The following ABCF1 variants were observed in gnomAD, a reference collection of about 807,000 sequenced individuals.
ABCF1 encodes the protein ATP binding cassette subfamily F member 1, also known as ATP-binding cassette sub-family F member 1.
ABCF1 carries 73 observed loss-of-function variants against 126.3 expected under a neutral mutation model. The observed-to-expected ratio is 0.58, with a 90% confidence interval of 0.48 to 0.70. The LOEUF (loss-of-function observed/expected upper bound fraction) is 0.70. Among genes scored for constraint, ABCF1 ranks in the 30% least tolerant of loss-of-function variants. The pLI, the probability that ABCF1 is intolerant of heterozygous loss-of-function variation, is 0.00. For synonymous variants in ABCF1, 345 were observed against 396.4 expected (o/e 0.87, Z 1.54); for missense variants, 786 against 1,057.5 (o/e 0.74, Z 3.56).
At chr6:30,572,752 C>T (rs1481291602) in intron 1 of ABCF1, among the ~76,000 whole-genome samples, 5 of 152,232 alleles carry the variant, frequency 3.3e-5, no homozygotes. Context: ...TCTCCTGCCT[C>T]AGCCTCCAAA....
intron 15 of ABCF1, 22 bp from the exon 16 acceptor site, chr6:30,585,536 C>A (rs1281676635): frequency 6.2e-7 from 1 of 1,612,850 alleles, no homozygotes; most frequent in Admixed American, 1.7e-5. Context: ...GTGACACTTA[C>A]ACCCTGTTCT....
chr6:30,572,161 A>G (rs1801285305), intron 1 of ABCF1, among the ~76,000 whole-genome samples: 1 of 151,708 alleles, frequency 6.6e-6, no homozygotes, highest in Non-Finnish European at 1.5e-5. Flanking sequence ...GAAGGAAAAA[A>G]ACATGAAGAT....
In ABCF1 at chr6:30,571,453, C is replaced by T. The variant is rs1306319995; in HGVS notation, c.-35C>T. Reference sequence around the variant, plus strand: ...CCGCCGCCGGAAGCGGAAATAGCACCGGGCGCCGCCACAGTAGCTGTAACT... The same window carrying T: ...CCGCCGCCGGAAGCGGAAATAGCACTGGGCGCCGCCACAGTAGCTGTAACT... On this transcript the variant is annotated 5_prime_UTR_variant, in exon 1 of 25. Transcript: ENST00000326195. 2.5e-6 allele frequency: 4 copies of T among 1,589,926 alleles called. No individual in the cohort carries two copies. Among genetic ancestry groups the T allele is most frequent in the Admixed American group, 1.8e-5 (1 of 56,126 alleles).
At position 30,571,546 on chromosome 6, in the gene ABCF1, G is replaced by A. The variant is rs1048893050; in HGVS notation, c.59G>A (p.Ser20Asn). ...CCCGAGTGGATCGGGGACGGAGAGA[G>A]CACGAGCCCATCAGGTGAGGCTGGT... Reference protein sequence around the residue: ...PEPEWIGDGESTSPSDKVVKK... With the variant: ...PEPEWIGDGENTSPSDKVVKK... Residue 20 changes from serine to asparagine, a missense_variant, in exon 1 of 25, where the codon AGC (serine) becomes AAC (asparagine). By Grantham distance (46) the Ser-to-Asn change is conservative. This residue lies in a region of ABCF1 where 322 missense variants were observed against 322.9 expected (regional missense o/e 1.00). Transcript: ENST00000326195. The A allele has an allele frequency of 1.1e-5, 18 of 1,610,150 alleles. No individual in the cohort carries two copies. Among genetic ancestry groups the A allele is most frequent in the Admixed American group, 3.3e-5 (2 of 59,826 alleles).
At position 30,584,226 on chromosome 6, in the gene ABCF1, T is replaced by C. The variant is rs1348481619; in HGVS notation, c.1137T>C (p.Ala379=). The C allele has an allele frequency of 6.2e-7, 1 of 1,612,934 alleles. No homozygotes were observed. The highest frequency in any genetic ancestry group is 1.1e-5 in the South Asian group (1 of 91,080). Residue 379 remains alanine, a synonymous_variant, in exon 13 of 25, where the codon GCT becomes GCC. Coordinates refer to ENST00000326195, the MANE Select transcript of ABCF1 (RefSeq NM_001025091.2). The surrounding 1 kb of genome is among the most constrained non-coding windows in gnomAD (Gnocchi z 4.6). ...VVADETPAVQ[A]VLRADTKRLK... is the part of the protein sequence containing the mutation. ...CAGATGAGACACCAGCAGTCCAGGC[T>C]GTTCTTCGAGCTGACACCAAGCGAT...
intron 1 of ABCF1, 70 bp downstream of exon 1, chr6:30,571,630 A>C: frequency 1.3e-6 from 2 of 1,522,260 alleles, no homozygotes. Context: ...GTTTTAAGAG[A>C]GGGTCATGGG....
Position 30,584,582 on chromosome 6 carries a change from C to T in ABCF1, c.1391+16C>T, listed in dbSNP as rs764935831. 13 of 1,576,796 alleles carry T rather than the reference C, an allele frequency of 8.2e-6. No individual in the cohort carries two copies. The highest frequency in any genetic ancestry group is 1.1e-5 in the Non-Finnish European group (13 of 1,162,298). On this transcript the variant is annotated intron_variant, in intron 14 of 24. Transcript: ENST00000326195. This position sits in a 1 kb window ranked among gnomAD's most constrained non-coding sequence, Gnocchi z 4.6. ...CCCTGGCCAGGTGGGCCATTCACCT[C>T]ACTGCCCTCCCTTCCAGCCTCAGAC...
At chr6:30,577,969 C>T (rs1801592428) in intron 3 of ABCF1, 56 bp downstream of exon 3, 2 of 1,613,320 alleles carry the variant, frequency 1.2e-6, no homozygotes, top group Non-Finnish European at 1.7e-6. Flanking sequence ...CCACCAACCC[C>T]TTTCCAGCCC....
chr6:30,573,102 C>A (rs938060160), intron 1 of ABCF1, among the ~76,000 whole-genome samples: 5 of 152,174 alleles, frequency 3.3e-5, no homozygotes, highest in African/African-American at 1.2e-4. Flanking sequence ...TTGAACTGGT[C>A]AAGATGGAGG....
Position 30,583,226 on chromosome 6 carries a change from A to AG in ABCF1, c.915+41dup. 1 of 1,579,244 alleles carries AG rather than the reference A, an allele frequency of 6.3e-7. No individual in the cohort carries two copies. The highest frequency in any genetic ancestry group is 8.6e-7 in the Non-Finnish European group (1 of 1,156,484). On this transcript the variant is annotated intron_variant, in intron 10 of 24. Coordinates refer to ENST00000326195, the MANE Select transcript of ABCF1 (RefSeq NM_001025091.2). This position sits in a 1 kb window ranked among gnomAD's most constrained non-coding sequence, Gnocchi z 4.1. ...GGGGCCCCTTCCAGTCCACTTACCT[A>AG]GGGAAGAGCCAGTTCTCTCATCTTC...
chr6:30,590,104 A>G (rs1430149834), intron 22 of ABCF1, 45 bp from the exon 23 acceptor site: 10 of 1,612,500 alleles, frequency 6.2e-6, no homozygotes, highest in Non-Finnish European at 8.5e-6. Context: ...TGCCTTCAGA[A>G]TGTGAGGTGC....
In ABCF1 at chr6:30,586,343, C is replaced by A. The variant is rs749323739; in HGVS notation, c.1885+38C>A. 19 of 1,599,798 alleles carry A rather than the reference C, an allele frequency of 1.2e-5. No individual in the cohort carries two copies. The African/African-American group carries it at 2.3e-4, about 19-fold the overall frequency. On this transcript the variant is annotated intron_variant, in intron 18 of 24. Transcript: ENST00000326195. This position sits in a 1 kb window ranked among gnomAD's most constrained non-coding sequence, Gnocchi z 4.9. ...GGCCTCTGCTGCTCCACAGGAAGCA[C>A]CGGAAGCATGTATGTGCACCCTAAA...
chr6:30,585,147 G>A, intron 14 of ABCF1, 113 bp from the exon 15 acceptor site: 1 of 952,526 alleles, frequency 1.0e-6, no homozygotes, highest in Non-Finnish European at 1.7e-6. Flanking sequence ...TCTCTGAGGA[G>A]AGCTTGGGAA....
rs1801234471 is a variant in ABCF1 at position 30,571,517 on chromosome 6, G to A, written c.30G>A (p.Pro10=). Residue 10 remains proline, a synonymous_variant, in exon 1 of 25, where the codon CCG becomes CCA. Coordinates refer to ENST00000326195, the MANE Select transcript of ABCF1 (RefSeq NM_001025091.2). The part of the protein sequence containing the change: MPKAPKQQP[P]EPEWIGDGES... Reference sequence around the variant, plus strand: ...CGAAGGCGCCCAAGCAGCAGCCGCCGGAGCCCGAGTGGATCGGGGACGGAG... The same window carrying A: ...CGAAGGCGCCCAAGCAGCAGCCGCCAGAGCCCGAGTGGATCGGGGACGGAG... 1 of 1,611,410 alleles carries A rather than the reference G, an allele frequency of 6.2e-7. No homozygotes were observed. The highest frequency in any genetic ancestry group is 2.2e-5 in the East Asian group (1 of 44,840).
chr6:30,578,648 C>T (rs967377746), intron 6 of ABCF1, 71 bp downstream of exon 6: 34 of 1,273,722 alleles, frequency 2.7e-5, no homozygotes, highest in African/African-American at 1.9e-4. Context: ...AGTAATTTCC[C>T]GCTTTTAAAC....
At position 30,589,846 on chromosome 6, in the gene ABCF1, G is replaced by A. The variant is rs1458394595; in HGVS notation, c.2105G>A (p.Arg702His). 1.8e-5 allele frequency: 29 copies of A among 1,614,040 alleles called. No homozygotes were observed. The highest frequency in any genetic ancestry group is 2.2e-5 in the East Asian group (1 of 44,876). ...AACCAGCAGTATGCAGAGCAGCTGC[G>A]CATGGAGGAGACGCCCACTGAGTAC... is the stretch of plus-strand genomic sequence containing the variant. Reference protein sequence around the residue: ...FFNQQYAEQLRMEETPTEYLQ... With the variant: ...FFNQQYAEQLHMEETPTEYLQ... The change falls in exon 22 of 25, where the codon CGC (arginine) becomes CAC (histidine). Residue 702 changes from arginine to histidine, a missense_variant. Physicochemically the swap from Arg to His is conservative, Grantham distance 29. This residue lies in a region of ABCF1 where 288 missense variants were observed against 423.5 expected (regional missense o/e 0.68). Coordinates refer to ENST00000326195, the MANE Select transcript of ABCF1 (RefSeq NM_001025091.2).
In ABCF1 at chr6:30,574,072, T is replaced by C. The variant is rs140654760; in HGVS notation, c.73+2512T>C. Among the ~76,000 whole-genome samples, 10 of 152,266 alleles carry C rather than the reference T, an allele frequency of 6.6e-5. No homozygotes were observed. Among genetic ancestry groups the C allele is most frequent in the African/African-American group, 1.7e-4 (7 of 41,568 alleles). On this transcript the variant is annotated intron_variant, in intron 1 of 24. Transcript: ENST00000326195. The surrounding 1 kb of genome is among the most constrained non-coding windows in gnomAD (Gnocchi z 4.3). ...ATTATACTTTCTCACAATGAAACTC[T>C]TCGGAGGCTTTTCCTGTCCCTATAA...
rs755295486 is a variant in ABCF1, at chr6:30,582,423, A to AGAG, written c.717_719dup (p.Glu240dup). 5.6e-6 allele frequency: 9 copies of AGAG among 1,610,936 alleles called. No homozygotes were observed. Among genetic ancestry groups the AGAG allele is most frequent in the Non-Finnish European group, 6.8e-6 (8 of 1,178,262 alleles). On this transcript the variant is annotated inframe_insertion, in exon 9 of 25. Transcript: ENST00000326195. The stretch of plus-strand genomic sequence containing the variant: ...CAGAGGAAGAAGGAGAAGGGGAAGA[A>AGAG]GAGGAGGAGGAAGGAGGAGAGTCTA...
intron 8 of ABCF1, among the ~76,000 whole-genome samples, 192 bp from the exon 9 acceptor site, chr6:30,582,202 G>A (rs1380354676): frequency 2.0e-5 from 3 of 151,976 alleles, no homozygotes; most frequent in Non-Finnish European, 4.4e-5. Context: ...GACTACAGGC[G>A]CCCGCCACCA....
Sources: gnomAD v4.1 joint callset for allele counts (sites outside exome capture counted in the v4.1 genomes callset) on GRCh38, gnomAD v4.1.1 for gene constraint, gnomAD v4.1.1 regional missense constraint, Gnocchi (gnomAD v3.1) non-coding constraint, MANE v1.5 for transcripts, NCBI Gene and HGNC (gene_info 2026-07-23, HGNC 2026-07-21) for gene names.